Variants in CALD1 observed in about 807,000 individuals in gnomAD.
CALD1 encodes the protein caldesmon.
A neutral mutation model predicts 99.9 loss-of-function variants in CALD1; 33 were observed. The observed-to-expected ratio is 0.33, with a 90% confidence interval of 0.25 to 0.44. The LOEUF is 0.44. Among genes scored for constraint, CALD1 ranks in the 20% least tolerant of loss-of-function variants. The probability of loss-of-function intolerance (pLI) is 1.00; values close to 1 mark genes in which losing one functional copy is unlikely to be tolerated. For missense variants in CALD1, 861 were observed against 962.1 expected, an observed-to-expected ratio of 0.89 and a Z score of 1.39; for synonymous variants, 310 against 325.0, an observed-to-expected ratio of 0.95 and a Z score of 0.50.
chr7:134,824,071 G>A (rs1172882134), intron 1 of CALD1, among the ~76,000 whole-genome samples: 1 of 152,196 alleles, frequency 6.6e-6, no homozygotes, highest in Non-Finnish European at 1.5e-5. Context: ...GCTTACTAAT[G>A]AGATTTTTGA....
chr7:134,735,445 T>G, the CALD1 span, among the ~76,000 whole-genome samples: 5 of 152,142 alleles, frequency 3.3e-5, no homozygotes. Context: ...TGGGTGGTAA[T>G]GCCATATATG....
intron 1 of CALD1, among the ~76,000 whole-genome samples, chr7:134,752,176 A>G (rs1053163465): frequency 1.7e-4 from 26 of 152,210 alleles, no homozygotes; most frequent in Non-Finnish European, 1.5e-5. Flanking sequence ...ATAGCTTTCA[A>G]GAGCATGATG....
chr7:134,903,127 C>T (rs1803113642), intron 3 of CALD1, among the ~76,000 whole-genome samples: 1 of 152,022 alleles, frequency 6.6e-6, no homozygotes, highest in African/African-American at 2.4e-5. Context: ...ACTATGGAGA[C>T]AGTAAAAAGA....
chr7:134,758,222 A>C (rs1361553515), intron 1 of CALD1, among the ~76,000 whole-genome samples: 12 of 152,224 alleles, frequency 7.9e-5, no homozygotes, highest in Non-Finnish European at 1.6e-4. Context: ...TCAAAACTCC[A>C]AGACTTATGG....
At chr7:134,718,095 T>C in the CALD1 span, among the ~76,000 whole-genome samples, 2 of 152,228 alleles carry the variant, frequency 1.3e-5, no homozygotes, top group African/African-American at 2.4e-5. Context: ...AGTTGGTTCA[T>C]GGTAAGAGAA....
At chr7:134,766,590 G>A (rs988831292) in intron 1 of CALD1, among the ~76,000 whole-genome samples, 6 of 152,190 alleles carry the variant, frequency 3.9e-5, no homozygotes, top group South Asian at 2.1e-4. Context: ...CAGTTAGTTC[G>A]CAAAGCAGCT....
chr7:134,852,026 T>C (rs1800103805), intron 2 of CALD1, among the ~76,000 whole-genome samples: 1 of 152,094 alleles, frequency 6.6e-6, no homozygotes, highest in Admixed American at 6.5e-5. Context: ...CTCAGCACTG[T>C]GAGGGGATGT....
chr7:134,730,325 GA>G, the CALD1 span, among the ~76,000 whole-genome samples: 4 of 150,434 alleles, frequency 2.7e-5, no homozygotes, highest in East Asian at 7.9e-4. Flanking sequence ...AGAACCGAAA[GA>G]AACAAAATCA....
chr7:134,941,789 C>T (rs757021226), intron 7 of CALD1, among the ~76,000 whole-genome samples: 1 of 152,098 alleles, frequency 6.6e-6, no homozygotes, highest in Non-Finnish European at 1.5e-5. Flanking sequence ...TTGGAAGTCT[C>T]TAAGAGGGAG....
At chr7:134,785,687 A>T (rs1006809392) in intron 1 of CALD1, among the ~76,000 whole-genome samples, 1 of 152,234 alleles carries the variant, frequency 6.6e-6, no homozygotes, top group Non-Finnish European at 1.5e-5. Flanking sequence ...GCATGGATAC[A>T]TATGCATTCT....
chr7:134,891,674 G>T (rs777805352), intron 3 of CALD1: 1 of 1,594,508 alleles, frequency 6.3e-7, no homozygotes, highest in Non-Finnish European at 8.5e-7. Context: ...CGCTCTCCCA[G>T]TGAGTCCTCA....
At chr7:134,925,808 G>A (rs1480583437) in intron 3 of CALD1, among the ~76,000 whole-genome samples, 1 of 152,116 alleles carries the variant, frequency 6.6e-6, no homozygotes, top group Non-Finnish European at 1.5e-5. Flanking sequence ...TGTCCCATAC[G>A]GAGTTTTATG....
chr7:134,734,984 G>T, the CALD1 span: 1 of 233,992 alleles, frequency 4.3e-6, no homozygotes, highest in Non-Finnish European at 8.5e-6. Flanking sequence ...GCAAACACCA[G>T]GTCATTCATA....
intron 1 of CALD1, among the ~76,000 whole-genome samples, chr7:134,818,566 A>C (rs1432048369): frequency 2.0e-5 from 3 of 152,206 alleles, no homozygotes; most frequent in Non-Finnish European, 2.9e-5. Flanking sequence ...TTTGGAATGT[A>C]GGGTCTACTT....
chr7:134,876,449 G>A (rs1801357872), intron 3 of CALD1, among the ~76,000 whole-genome samples: 1 of 152,212 alleles, frequency 6.6e-6, no homozygotes. Flanking sequence ...TGTACTGCAT[G>A]TAGAGTGCTT....
At chr7:134,808,947 C>T (rs1798253345) in intron 1 of CALD1, among the ~76,000 whole-genome samples, 1 of 152,090 alleles carries the variant, frequency 6.6e-6, no homozygotes, top group Admixed American at 6.5e-5. Flanking sequence ...TGATGAGGGG[C>T]TCATTGCCAA....
At chr7:134,960,301 G>A (rs768691256) in intron 12 of CALD1, 190 bp downstream of exon 12, 13 of 710,684 alleles carry the variant, frequency 1.8e-5, no homozygotes, top group Middle Eastern at 3.9e-4. Context: ...TACTAAGCCC[G>A]GGCCATCTTA....
chr7:134,711,680 A>ATATATATGTG, the CALD1 span, among the ~76,000 whole-genome samples: 19 of 109,582 alleles, frequency 1.7e-4, no homozygotes, highest in African/African-American at 4.3e-4. Flanking sequence ...ATATATATAT[A>ATATATATGTG]TGTGTGTGTG....
At chr7:134,844,657 ACTGGGTG>A (rs1468747097) in intron 2 of CALD1, among the ~76,000 whole-genome samples, 2 of 152,174 alleles carry the variant, frequency 1.3e-5, no homozygotes, top group African/African-American at 4.8e-5. Context: ...AAATCCACAG[ACTGGGTG>A]GCTTAAACAA....
Sources: allele counts gnomAD v4.1 joint callset (sites outside exome capture counted in the v4.1 genomes callset), GRCh38; gene constraint gnomAD v4.1.1; transcripts MANE v1.5; gene names NCBI Gene and HGNC (gene_info 2026-07-23, HGNC 2026-07-21).